Variants in ADGB observed in about 807,000 individuals in gnomAD.
The protein encoded by ADGB is androglobin, also known as calpain-7-like protein.
Under a neutral mutation model 210.5 loss-of-function variants are expected in ADGB, and 172 were observed. That is an observed-to-expected ratio of 0.82 (90% CI 0.72 to 0.93). ADGB has a LOEUF of 0.93. ADGB is among the 40% of genes least tolerant of loss of function. ADGB has a pLI of 0.00. For missense variants in ADGB, 2,025 were observed against 1,964.8 expected (o/e 1.03, Z -0.58); for synonymous variants, 658 against 662.7 (o/e 0.99, Z 0.11).
chr6:146,640,483 C>T lies in ADGB; in HGVS notation c.238-4290C>T, dbSNP rs149024542. ...AAAATGAAAACTTCATCCCAATATT[C>T]TTGATGAACATCGATGCAAAATTCC... On this transcript the variant is annotated intron_variant, in intron 2 of 35. Transcript: ENST00000397944. Among the ~76,000 whole-genome samples, 527 of 152,140 alleles carry T rather than the reference C, an allele frequency of 3.5e-3. 2 individuals are homozygous for T. Among genetic ancestry groups the T allele is most frequent in the African/African-American group, 0.012 (478 of 41,532 alleles).
chr6:146,758,537 A>G (rs1777442197), intron 27 of ADGB, among the ~76,000 whole-genome samples: 1 of 152,032 alleles, frequency 6.6e-6, no homozygotes, highest in Admixed American at 6.6e-5. Flanking sequence ...TTTAAAACCA[A>G]TTTTTATAGG....
chr6:146,803,287 T>C, intron 35 of ADGB: 1 of 1,605,742 alleles, frequency 6.2e-7, no homozygotes, highest in South Asian at 1.1e-5. Context: ...AAAAACCCAC[T>C]ATATTTTGAT....
chr6:146,811,380 T>C (rs1778299971), intron 35 of ADGB, among the ~76,000 whole-genome samples: 1 of 152,086 alleles, frequency 6.6e-6, no homozygotes, highest in Non-Finnish European at 1.5e-5. Context: ...AAATATACCA[T>C]AATTTATTCA....
chr6:146,605,689 C>T (rs975506740), intron 1 of ADGB, among the ~76,000 whole-genome samples: 3 of 152,148 alleles, frequency 2.0e-5, no homozygotes, highest in East Asian at 3.9e-4. Context: ...CGGGACAACA[C>T]TTGGCACAGA....
At chr6:146,638,189 C>T (rs914737028) in intron 2 of ADGB, among the ~76,000 whole-genome samples, 1 of 144,646 alleles carries the variant, frequency 6.9e-6, no homozygotes, top group East Asian at 1.9e-4. Context: ...ATTCAATACC[C>T]CTTGATGTTA....
At chr6:146,717,162 C>A in intron 15 of ADGB, 93 bp downstream of exon 15, 4 of 1,092,048 alleles carry the variant, frequency 3.7e-6, no homozygotes, top group Non-Finnish European at 5.2e-6. Context: ...TTTATTTTTG[C>A]ATATTTAATA....
At chr6:146,651,407 T>C (rs944177747) in intron 3 of ADGB, among the ~76,000 whole-genome samples, 2 of 152,118 alleles carry the variant, frequency 1.3e-5, no homozygotes, top group Admixed American at 6.5e-5. Flanking sequence ...AAACAAGATG[T>C]GGTGAAAGGA....
At chr6:146,808,109 C>T (rs1391279226) in intron 35 of ADGB, among the ~76,000 whole-genome samples, 1 of 148,138 alleles carries the variant, frequency 6.8e-6, no homozygotes. Flanking sequence ...AAGTGATTCT[C>T]CTGCCTCAGC....
At chr6:146,762,824 C>T (rs1777514342) in intron 27 of ADGB, among the ~76,000 whole-genome samples, 1 of 152,106 alleles carries the variant, frequency 6.6e-6, no homozygotes, top group Non-Finnish European at 1.5e-5. Context: ...TTCATTTTGA[C>T]AAGTCAGAAT....
At chr6:146,758,287 G>A (rs1270461219) in intron 27 of ADGB, among the ~76,000 whole-genome samples, 2 of 151,882 alleles carry the variant, frequency 1.3e-5, no homozygotes, top group Non-Finnish European at 2.9e-5. Flanking sequence ...TTTTACACCG[G>A]TATTATAGTT....
intron 28 of ADGB, among the ~76,000 whole-genome samples, chr6:146,766,417 G>C (rs1442479387): frequency 7.1e-6 from 1 of 141,196 alleles, no homozygotes; most frequent in Non-Finnish European, 1.5e-5. Flanking sequence ...ACAGAGCGAG[G>C]CTCTGTCTCA....
chr6:146,610,940 T>C (rs557515901), intron 1 of ADGB, among the ~76,000 whole-genome samples: 1 of 152,082 alleles, frequency 6.6e-6, no homozygotes, highest in East Asian at 1.9e-4. Flanking sequence ...GGTGGGGTGA[T>C]GGGGTCTGCA....
intron 29 of ADGB, among the ~76,000 whole-genome samples, chr6:146,776,697 A>G (rs891649821): frequency 3.9e-5 from 6 of 152,184 alleles, no homozygotes; most frequent in African/African-American, 1.4e-4. Context: ...AGAAAGCCCC[A>G]GAAATGCTTC....
At chr6:146,710,299 A>G (rs1776641563) in intron 13 of ADGB, among the ~76,000 whole-genome samples, 1 of 151,920 alleles carries the variant, frequency 6.6e-6, no homozygotes, top group South Asian at 2.1e-4. Context: ...ATTTTTGTGT[A>G]TGATATAAAA....
At chr6:146,801,720 C>T (rs935348117) in intron 34 of ADGB, 108 bp from the exon 35 acceptor site, 4 of 926,044 alleles carry the variant, frequency 4.3e-6, no homozygotes, top group South Asian at 2.3e-5. Flanking sequence ...TTATTTGACT[C>T]AGACCACCAC....
At chr6:146,672,780 G>C (rs1365018841) in intron 8 of ADGB, among the ~76,000 whole-genome samples, 1 of 150,148 alleles carries the variant, frequency 6.7e-6, no homozygotes, top group South Asian at 2.1e-4. Context: ...GCCCAGGCTG[G>C]AGTCCAGTGG....
intron 9 of ADGB, among the ~76,000 whole-genome samples, chr6:146,682,489 G>A (rs1776170310): frequency 1.3e-5 from 2 of 152,002 alleles, no homozygotes; most frequent in African/African-American, 2.4e-5. Context: ...CATCATTCAA[G>A]AGTATATTTT....
intron 2 of ADGB, among the ~76,000 whole-genome samples, 176 bp from the exon 3 acceptor site, chr6:146,644,597 G>T (rs1235907883): frequency 2.0e-5 from 3 of 151,822 alleles, no homozygotes; most frequent in African/African-American, 7.2e-5. Context: ...ATACAGTATT[G>T]TTAAATTCAG....
At chr6:146,717,907 T>A (rs1350072309) in intron 16 of ADGB, among the ~76,000 whole-genome samples, 1 of 152,158 alleles carries the variant, frequency 6.6e-6, no homozygotes, top group Non-Finnish European at 1.5e-5. Flanking sequence ...CTAGATTTGG[T>A]TTCAATTAGT....
Sources: allele counts gnomAD v4.1 joint callset (sites outside exome capture counted in the v4.1 genomes callset), GRCh38; gene constraint gnomAD v4.1.1; transcripts MANE v1.5; gene names NCBI Gene and HGNC (gene_info 2026-07-23, HGNC 2026-07-21).